ADGRG6: variants seen among roughly 807,000 people sequenced by gnomAD.
ADGRG6 encodes adhesion G protein-coupled receptor G6.
A neutral mutation model predicts 142.4 loss-of-function variants in ADGRG6; 84 were observed. That is an observed-to-expected ratio of 0.59 (90% confidence interval 0.49 to 0.71). The LOEUF (loss-of-function observed/expected upper bound fraction) is 0.71, where lower values mean the gene tolerates loss of function less well. ADGRG6 is among the 30% of genes least tolerant of loss of function. ADGRG6 has a pLI of 0.00. For missense variants in ADGRG6, 1,367 were observed against 1,466.6 expected, an observed-to-expected ratio of 0.93 and a Z score of 1.11; for synonymous variants, 521 against 520.5, an observed-to-expected ratio of 1.00 and a Z score of -0.01.
intron 2 of ADGRG6, among the ~76,000 whole-genome samples, chr6:142,324,830 G>A (rs377765938): frequency 3.9e-5 from 6 of 152,054 alleles, no homozygotes; most frequent in African/African-American, 1.4e-4. Context: ...TACAGGTAGG[G>A]AGTATATCTT....
chr6:142,338,027 T>TCTTTTTTTTTTTTTTTTTTTTTTTTTG (rs1554234628), intron 2 of ADGRG6, among the ~76,000 whole-genome samples: 1 of 58,002 alleles, frequency 1.7e-5, no homozygotes, highest in African/African-American at 5.6e-5. Flanking sequence ...GTTTTTTTTT[T>TCTTTTTTTTTTTTTTTTTTTTTTTTTG]TTTTTTTTTT....
chr6:142,330,952 A>G (rs1437861310), intron 2 of ADGRG6, among the ~76,000 whole-genome samples: 5 of 152,002 alleles, frequency 3.3e-5, no homozygotes, highest in African/African-American at 1.2e-4. Context: ...AAAGCTTTTT[A>G]AGCTTCATTT....
rs139522751 is a variant in ADGRG6, at chr6:142,413,029, T to TTATATATA, written c.2541+1626_2541+1633dup. Among the ~76,000 whole-genome samples the TTATATATA allele has an allele frequency of 9.6e-3, 1,435 of 150,158 alleles. 11 individuals are homozygous for TTATATATA. The highest frequency in any genetic ancestry group is 0.05 in the East Asian group (253 of 5,088). ...TGCTGCTATCTGATTGAATGGTTAA[T>TTATATATA]TATATATATATATATGTGAAGATAA... On this transcript the variant is annotated intron_variant, in intron 18 of 24. Transcript: ENST00000367609.
chr6:142,383,962 G>A, intron 6 of ADGRG6, 119 bp downstream of exon 6: 1 of 620,936 alleles, frequency 1.6e-6, no homozygotes, highest in Non-Finnish European at 2.8e-6. Flanking sequence ...TGGTACATTT[G>A]TAGGTTTACA....
At chr6:142,355,320 C>A (rs964267029) in intron 2 of ADGRG6, among the ~76,000 whole-genome samples, 1 of 151,780 alleles carries the variant, frequency 6.6e-6, no homozygotes, top group African/African-American at 2.4e-5. Flanking sequence ...AGTGGGGAGA[C>A]TATACTGTGT....
At chr6:142,394,078 T>C (rs1344516802) in intron 9 of ADGRG6, 120 bp downstream of exon 9, 1 of 678,782 alleles carries the variant, frequency 1.5e-6, no homozygotes, top group African/African-American at 1.8e-5. Flanking sequence ...GCACAGTTAT[T>C]TCTTTAGCAC....
At chr6:142,402,895 C>T (rs1436493802) in intron 13 of ADGRG6, 65 bp downstream of exon 13, 3 of 827,840 alleles carry the variant, frequency 3.6e-6, no homozygotes, top group Non-Finnish European at 5.6e-6. Context: ...GATTTCTCAC[C>T]TATCTGAATA....
chr6:142,437,402 G>A (rs772305326), intron 22 of ADGRG6, 32 bp from the exon 23 acceptor site: 1 of 991,430 alleles, frequency 1.0e-6, no homozygotes, highest in South Asian at 1.4e-5. Flanking sequence ...TGTGTCAGTT[G>A]GCTTAAATAT....
chr6:142,402,777 A>G lies in ADGRG6; in HGVS notation c.1902A>G (p.Ile634Met). ...DITLGSTLMN[I>M]FSNILSSSDS... ...CACTTGGCTCAACTCTAATGAATAT[A>G]TTTTCTAATATCTTAAGCAGTTCAG... is the stretch of plus-strand genomic sequence containing the variant. Residue 634 changes from isoleucine to methionine, a missense_variant, in exon 13 of 25, where the codon ATA becomes ATG. Ile to Met is a conservative substitution (Grantham distance 10, BLOSUM62 1). Coordinates refer to ENST00000367609, the MANE Select transcript of ADGRG6 (RefSeq NM_198569.3). 1.2e-6 allele frequency: 2 copies of G among 1,603,240 alleles called. No homozygotes were observed. The highest frequency in any genetic ancestry group is 1.7e-6 in the Non-Finnish European group (2 of 1,171,598).
intron 2 of ADGRG6, among the ~76,000 whole-genome samples, chr6:142,352,388 T>C (rs1780228667): frequency 6.6e-6 from 1 of 152,248 alleles, no homozygotes; most frequent in South Asian, 2.1e-4. Context: ...TAGCACATGT[T>C]CTCACTTATA....
chr6:142,338,051 C>T (rs1251452593), intron 2 of ADGRG6, among the ~76,000 whole-genome samples: 9 of 3,810 alleles, frequency 2.4e-3, no homozygotes, highest in South Asian at 0.011. Flanking sequence ...GACGGAGTCT[C>T]GCTCTGTCAC....
intron 2 of ADGRG6, among the ~76,000 whole-genome samples, chr6:142,315,173 G>C (rs1267035228): frequency 2.0e-5 from 3 of 152,068 alleles, no homozygotes; most frequent in Non-Finnish European, 4.4e-5. Flanking sequence ...GAGTTTAATG[G>C]GGACATACCA....
At chr6:142,366,952 C>T (rs1012145552) in intron 2 of ADGRG6, among the ~76,000 whole-genome samples, 5 of 151,836 alleles carry the variant, frequency 3.3e-5, no homozygotes, top group African/African-American at 7.3e-5. Flanking sequence ...AATGTATTTT[C>T]GAAACTATAA....
intron 8 of ADGRG6, among the ~76,000 whole-genome samples, chr6:142,393,401 GA>G (rs1775010580): frequency 6.6e-6 from 1 of 152,016 alleles, no homozygotes; most frequent in Non-Finnish European, 1.5e-5. Context: ...CAGTCTGTCT[GA>G]TTGCAACCTA....
In ADGRG6 at chr6:142,370,526, T is replaced by A; in HGVS notation, c.802T>A (p.Phe268Ile). 2 of 1,613,782 alleles carry A rather than the reference T, an allele frequency of 1.2e-6. No homozygotes were observed. The highest frequency in any genetic ancestry group is 1.7e-6 in the Non-Finnish European group (2 of 1,179,704). ...TTCTTTGGGCTCTATTGGTGTAAAT[T>A]TCAAAAGAAACTATGAAACAGTTCC... is the stretch of plus-strand genomic sequence containing the variant. Reference protein sequence around the residue: ...NNSLGSIGVNFKRNYETVPCD... With the variant: ...NNSLGSIGVNIKRNYETVPCD... Residue 268 changes from phenylalanine (F) to isoleucine (I), a missense_variant, in exon 4 of 25, where the codon TTC (phenylalanine) becomes ATC (isoleucine). Phe to Ile is a conservative substitution (Grantham distance 21, BLOSUM62 0). Around this residue, in one of 3 missense-constraint regions of ADGRG6, gnomAD observed 737 missense variants for 746.5 expected, o/e 0.99. Transcript: ENST00000367609.
chr6:142,358,105 T>C (rs1357159045), intron 2 of ADGRG6, among the ~76,000 whole-genome samples: 1 of 152,242 alleles, frequency 6.6e-6, no homozygotes, highest in African/African-American at 2.4e-5. Context: ...AGAACTATAA[T>C]TAGCTTTTAT....
At chr6:142,304,710 T>A (rs1777397675) in intron 1 of ADGRG6, among the ~76,000 whole-genome samples, 1 of 152,232 alleles carries the variant, frequency 6.6e-6, no homozygotes, top group Non-Finnish European at 1.5e-5. Flanking sequence ...TAATCAAAAG[T>A]TTCTACAGTC....
At chr6:142,390,812 C>A (rs959380773) in intron 7 of ADGRG6, among the ~76,000 whole-genome samples, 7 of 151,754 alleles carry the variant, frequency 4.6e-5, no homozygotes, top group Non-Finnish European at 7.4e-5. Context: ...TAGTTTTCTC[C>A]GCTTTTTTCC....
At chr6:142,338,065 G>A (rs1481644894) in intron 2 of ADGRG6, among the ~76,000 whole-genome samples, 2 of 87,410 alleles carry the variant, frequency 2.3e-5, no homozygotes, top group African/African-American at 8.9e-5. Context: ...CTGTCACCCA[G>A]GCTGGAGTGC....
Sources: gnomAD v4.1 joint callset for allele counts (sites outside exome capture counted in the v4.1 genomes callset) on GRCh38, gnomAD v4.1.1 for gene constraint, gnomAD v4.1.1 regional missense constraint, MANE v1.5 for transcripts, NCBI Gene and HGNC (gene_info 2026-07-23, HGNC 2026-07-21) for gene names.